The following FGD4 variants were observed in gnomAD, a reference collection of about 807,000 sequenced individuals.
The protein encoded by FGD4 is FYVE, RhoGEF and PH domain-containing protein 4.
In FGD4, 42 loss-of-function variants were observed where a neutral mutation model predicts 102.0. The ratio of observed to expected loss-of-function variants is 0.41; its 90% CI spans 0.32 to 0.53. FGD4 has a LOEUF of 0.53. Among genes scored for constraint, FGD4 ranks in the 20% least tolerant of loss-of-function variants. The pLI is 0.21. For missense variants in FGD4, 902 were observed against 1,078.2 expected, an observed-to-expected ratio of 0.84 and a Z score of 2.29; for synonymous variants, 380 against 375.7, an observed-to-expected ratio of 1.01 and a Z score of -0.13.
At chr12:32,444,025 T>C (rs1002140780) in intron 1 of FGD4, among the ~76,000 whole-genome samples, 9 of 135,462 alleles carry the variant, frequency 6.6e-5, no homozygotes, top group Non-Finnish European at 1.0e-4. Context: ...TGTTTTCTTT[T>C]TTTTTTTTTT....
intron 10 of FGD4, among the ~76,000 whole-genome samples, chr12:32,613,304 T>A (rs929157149): frequency 6.6e-6 from 1 of 152,212 alleles, no homozygotes; most frequent in Non-Finnish European, 1.5e-5. Context: ...AGAGGGGTGT[T>A]CAGTACAAGG....
chr12:32,511,423 A>G (rs950831991), intron 1 of FGD4, among the ~76,000 whole-genome samples: 1 of 152,034 alleles, frequency 6.6e-6, no homozygotes, highest in South Asian at 2.1e-4. Flanking sequence ...GCAATTCTCC[A>G]GAGTAGCTTG....
chr12:32,446,538 G>A (rs941055845), intron 1 of FGD4, among the ~76,000 whole-genome samples: 1 of 152,048 alleles, frequency 6.6e-6, no homozygotes, highest in Non-Finnish European at 1.5e-5. Flanking sequence ...CTTTCCTCCG[G>A]GTATAGGAAC....
chr12:32,552,474 GT>G (rs1943758507), intron 1 of FGD4, among the ~76,000 whole-genome samples: 1 of 117,878 alleles, frequency 8.5e-6, no homozygotes, highest in Non-Finnish European at 1.7e-5. Context: ...TAGAGACAAT[GT>G]TTCACCATGT....
intron 1 of FGD4, among the ~76,000 whole-genome samples, chr12:32,482,213 T>C (rs1278564106): frequency 6.6e-6 from 1 of 152,254 alleles, no homozygotes; most frequent in Non-Finnish European, 1.5e-5. Flanking sequence ...ATAAGGTGTT[T>C]TTCCTTATCT....
chr12:32,507,593 G>A (rs923802749), intron 1 of FGD4, among the ~76,000 whole-genome samples: 9 of 152,192 alleles, frequency 5.9e-5, no homozygotes, highest in East Asian at 5.8e-4. Flanking sequence ...ACTTAATCCC[G>A]AATGTGTGTT....
chr12:32,495,576 G>A (rs1188621256), intron 1 of FGD4, among the ~76,000 whole-genome samples: 1 of 151,550 alleles, frequency 6.6e-6, no homozygotes, highest in Non-Finnish European at 1.5e-5. Flanking sequence ...GGCACCTGTA[G>A]TCCCAGCTAC....
chr12:32,525,409 AC>A (rs1941039758), intron 1 of FGD4, among the ~76,000 whole-genome samples: 1 of 152,250 alleles, frequency 6.6e-6, no homozygotes, highest in African/African-American at 2.4e-5. Flanking sequence ...CTGGAATTGT[AC>A]TTTATTCTGT....
intron 3 of FGD4, among the ~76,000 whole-genome samples, chr12:32,578,775 G>T (rs1372191592): frequency 6.6e-6 from 1 of 151,830 alleles, no homozygotes; most frequent in Non-Finnish European, 1.5e-5. Context: ...AGGCTGCAGT[G>T]AGCCGAGATT....
intron 1 of FGD4, among the ~76,000 whole-genome samples, chr12:32,451,834 CAAAAAA>C (rs60760923): frequency 1.4e-3 from 35 of 24,148 alleles, no homozygotes; most frequent in Admixed American, 0.011. Flanking sequence ...AACTCCATCT[CAAAAAA>C]AAAAAAAAAA....
chr12:32,528,563 G>A (rs1309995466), intron 1 of FGD4, among the ~76,000 whole-genome samples: 1 of 151,914 alleles, frequency 6.6e-6, no homozygotes, highest in East Asian at 1.9e-4. Flanking sequence ...CTAACTTTTT[G>A]TATTTTTAGT....
rs556538781 is a variant in FGD4 at position 32,640,483 on chromosome 12, C to G, written c.2662C>G (p.Pro888Ala). The change falls in exon 17 of 17, where the codon CCA becomes GCA. Residue 888 changes from proline to alanine, a missense_variant. Around this residue, in one of 2 missense-constraint regions of FGD4, gnomAD observed 459 missense variants for 619.0 expected, o/e 0.74. Coordinates refer to ENST00000534526, the MANE Select transcript of FGD4 (RefSeq NM_001370298.3). ...GETPGGPNEH[P>A]ATLDDHPEPK... ...GACACCAGGTGGTCCAAATGAGCAT[C>G]CAGCCACCTTGGATGATCATCCTGA... 8 of 1,614,136 alleles carry G rather than the reference C, an allele frequency of 5.0e-6. No individual in the cohort carries two copies. In the African/African-American group the frequency reaches 8.0e-5, roughly 16 times the overall value.
intron 1 of FGD4, among the ~76,000 whole-genome samples, chr12:32,480,798 C>CTT (rs535014734): frequency 5.0e-5 from 7 of 139,950 alleles, no homozygotes; most frequent in South Asian, 4.6e-4. Context: ...CACGCCCGGC[C>CTT]TTTTTTTTTT....
At chr12:32,493,004 C>T (rs1191612115) in intron 1 of FGD4, among the ~76,000 whole-genome samples, 1 of 152,156 alleles carries the variant, frequency 6.6e-6, no homozygotes, top group African/African-American at 2.4e-5. Context: ...CTATTATGGA[C>T]ACCCAGGCCT....
At chr12:32,534,806 AG>A (rs1472515424) in intron 1 of FGD4, among the ~76,000 whole-genome samples, 1 of 152,224 alleles carries the variant, frequency 6.6e-6, no homozygotes, top group African/African-American at 2.4e-5. Context: ...AGAGAAAGAA[AG>A]GAACAGTTTT....
chr12:32,547,773 C>G (rs1292395694), intron 1 of FGD4, among the ~76,000 whole-genome samples: 1 of 152,196 alleles, frequency 6.6e-6, no homozygotes, highest in East Asian at 1.9e-4. Flanking sequence ...GTGGTGCAGT[C>G]TCTGCTCACT....
chr12:32,577,337 A>G (rs573660078), intron 3 of FGD4, among the ~76,000 whole-genome samples: 2 of 152,166 alleles, frequency 1.3e-5, no homozygotes, highest in Non-Finnish European at 2.9e-5. Flanking sequence ...AAATATTTTC[A>G]TTCATTTCAG....
chr12:32,633,258 C>T lies in FGD4; in HGVS notation c.2173-291C>T, dbSNP rs368684067. On this transcript the variant is annotated intron_variant, in intron 14 of 16. Coordinates refer to ENST00000534526, the MANE Select transcript of FGD4 (RefSeq NM_001370298.3). Reference sequence around the variant, plus strand: ...TGGGCTAAGAGAGACCAGGGAAGTTCGTGAGCAGTTTGGAAAGGATGTTGA... The same window carrying T: ...TGGGCTAAGAGAGACCAGGGAAGTTTGTGAGCAGTTTGGAAAGGATGTTGA... Among the ~76,000 whole-genome samples, 19 of 151,944 alleles carry T rather than the reference C, an allele frequency of 1.3e-4. 3 individuals are homozygous for T. Among genetic ancestry groups the T allele is most frequent in the Admixed American group, 1.3e-4 (2 of 15,262 alleles).
intron 1 of FGD4, among the ~76,000 whole-genome samples, chr12:32,466,533 A>C (rs1211649852): frequency 6.6e-6 from 1 of 152,048 alleles, no homozygotes; most frequent in Non-Finnish European, 1.5e-5. Flanking sequence ...AAGCTCACTG[A>C]TTTAATGTTA....
Sources: allele counts gnomAD v4.1 joint callset (sites outside exome capture counted in the v4.1 genomes callset), GRCh38; gene constraint gnomAD v4.1.1; regional missense constraint gnomAD v4.1.1; transcripts MANE v1.5; gene names NCBI Gene and HGNC (gene_info 2026-07-23, HGNC 2026-07-21).